FAM178B: variants seen among roughly 807,000 people sequenced by gnomAD.
FAM178B encodes protein FAM178B.
In FAM178B, 82 loss-of-function variants were observed where a neutral mutation model predicts 91.7. The observed-to-expected ratio is 0.89, with a 90% CI of 0.75 to 1.07. The LOEUF (loss-of-function observed/expected upper bound fraction) is 1.07, where lower values mean the gene tolerates loss of function less well. Among genes scored for constraint, FAM178B ranks in the 50% least tolerant of loss-of-function variants. FAM178B has a pLI of 0.00. For missense variants in FAM178B, 769 were observed against 846.7 expected (o/e 0.91, Z 1.14); for synonymous variants, 368 against 359.4 (o/e 1.02, Z -0.27).
intron 12 of FAM178B, among the ~76,000 whole-genome samples, chr2:96,917,374 G>A (rs1169362367): frequency 6.6e-6 from 1 of 152,208 alleles, no homozygotes; most frequent in Non-Finnish European, 1.5e-5. Flanking sequence ...GGCGCAAGAT[G>A]CTCTGTTTCA....
chr2:96,960,856 G>A (rs1305940944), intron 5 of FAM178B, among the ~76,000 whole-genome samples: 3 of 152,220 alleles, frequency 2.0e-5, no homozygotes, highest in Non-Finnish European at 4.4e-5. Context: ...TAAGGGCCCA[G>A]GAGAGGAGCG....
chr2:96,885,114 A>C (rs1349613867), intron 14 of FAM178B, among the ~76,000 whole-genome samples: 1 of 152,230 alleles, frequency 6.6e-6, no homozygotes, highest in Admixed American at 6.5e-5. Flanking sequence ...TGACCCAAAC[A>C]CGGTCCCTAA....
chr2:96,910,188 C>A (rs929667287), intron 12 of FAM178B, among the ~76,000 whole-genome samples: 1 of 152,272 alleles, frequency 6.6e-6, no homozygotes. Flanking sequence ...TGCTCCCAAG[C>A]CGGAATCCCC....
intron 14 of FAM178B, among the ~76,000 whole-genome samples, chr2:96,881,410 C>A (rs1234705400): frequency 1.3e-5 from 2 of 152,022 alleles, no homozygotes; most frequent in Non-Finnish European, 2.9e-5. Context: ...GGGAAGGCAC[C>A]CTGGGCTGTC....
chr2:96,981,902 A>T (rs191063829), intron 1 of FAM178B, among the ~76,000 whole-genome samples: 1 of 152,078 alleles, frequency 6.6e-6, no homozygotes, highest in Admixed American at 6.6e-5. Flanking sequence ...CCCTGTCTCT[A>T]CAAAAAAACG....
chr2:96,945,432 G>T (rs1308464824), intron 8 of FAM178B, among the ~76,000 whole-genome samples: 2 of 152,274 alleles, frequency 1.3e-5, no homozygotes, highest in East Asian at 3.9e-4. Context: ...ATCTCCCTAG[G>T]ATAGTCTGGG....
intron 12 of FAM178B, among the ~76,000 whole-genome samples, chr2:96,907,261 G>T (rs375836909): frequency 6.6e-6 from 1 of 152,248 alleles, no homozygotes; most frequent in Admixed American, 6.5e-5. Flanking sequence ...GGCAGGGGGC[G>T]GGGCGAGACC....
chr2:96,876,415 A>G (rs2080243103), intron 16 of FAM178B, 107 bp from the exon 17 acceptor site: 3 of 1,403,166 alleles, frequency 2.1e-6, no homozygotes, highest in South Asian at 2.5e-5. Context: ...TCGCAGGCTC[A>G]TGCCAGGGGC....
At chr2:96,938,542 A>G (rs2081670369) in intron 8 of FAM178B, among the ~76,000 whole-genome samples, 1 of 152,244 alleles carries the variant, frequency 6.6e-6, no homozygotes, top group Admixed American at 6.5e-5. Context: ...GACTGGCCAC[A>G]GGATCAGAGC....
At chr2:96,884,447 G>A (rs1033347003) in intron 14 of FAM178B, among the ~76,000 whole-genome samples, 1 of 152,178 alleles carries the variant, frequency 6.6e-6, no homozygotes, top group Admixed American at 6.5e-5. Context: ...GAGGAGGAAA[G>A]CCCTTTGCAG....
At chr2:96,972,684 G>C (rs1184178471) in intron 1 of FAM178B, 78 bp from the exon 2 acceptor site, 1 of 1,375,338 alleles carries the variant, frequency 7.3e-7, no homozygotes, top group Non-Finnish European at 1.0e-6. Context: ...TTCCCACAGA[G>C]GAGGGCCTGG....
At chr2:96,923,469 G>A in intron 10 of FAM178B, 21 bp downstream of exon 10, 1 of 1,535,744 alleles carries the variant, frequency 6.5e-7, no homozygotes, top group African/African-American at 1.4e-5. Flanking sequence ...TGCCCTGCAT[G>A]AGGCAGGCGG....
In FAM178B at chr2:96,971,940, C is replaced by A; in HGVS notation, c.525G>T (p.Trp175Cys). The A allele has an allele frequency of 6.5e-7, 1 of 1,539,906 alleles. No homozygotes were observed. Among genetic ancestry groups the A allele is most frequent in the Non-Finnish European group, 8.8e-7 (1 of 1,141,960 alleles). The part of the protein sequence containing the change: ...RGLALPEKLF[W>C]NTSGLSQQAA... ...CCTGCTGGCTCAGGCCTGACGTGTT[C>A]CAGAACAGCTTCTCTGGCAAGGCCA... Residue 175 changes from tryptophan to cysteine, a missense_variant, in exon 3 of 17, where the codon TGG becomes TGT. Physicochemically the swap from Trp to Cys is radical, Grantham distance 215. Transcript: ENST00000490605.
At chr2:96,901,817 T>C (rs1294637197) in intron 13 of FAM178B, among the ~76,000 whole-genome samples, 1 of 152,158 alleles carries the variant, frequency 6.6e-6, no homozygotes, top group East Asian at 1.9e-4. Flanking sequence ...ATGGTTAAGA[T>C]GATTACAAAA....
intron 1 of FAM178B, among the ~76,000 whole-genome samples, chr2:96,976,614 G>A (rs1400576589): frequency 1.3e-5 from 2 of 151,830 alleles, no homozygotes; most frequent in Non-Finnish European, 2.9e-5. Context: ...GGAGGCCAAG[G>A]CGGGCAAATC....
At chr2:96,951,310 G>T in intron 7 of FAM178B, 69 bp downstream of exon 7, 2 of 1,142,046 alleles carry the variant, frequency 1.8e-6, no homozygotes, top group Non-Finnish European at 2.6e-6. Flanking sequence ...CCACCCCTCA[G>T]CCTGTGGGCC....
chr2:96,902,254 C>T (rs897948681), intron 13 of FAM178B, among the ~76,000 whole-genome samples: 7 of 152,074 alleles, frequency 4.6e-5, no homozygotes, highest in East Asian at 1.9e-4. Context: ...TACAGGCACC[C>T]GCCACCACAC....
intron 3 of FAM178B, 132 bp downstream of exon 3, chr2:96,971,769 A>C: frequency 1.2e-6 from 1 of 843,968 alleles, no homozygotes; most frequent in Non-Finnish European, 1.7e-6. Context: ...CTGAGCAGGG[A>C]TGGTCAAGGT....
At chr2:96,888,161 T>C (rs953563091) in intron 14 of FAM178B, among the ~76,000 whole-genome samples, 1 of 152,222 alleles carries the variant, frequency 6.6e-6, no homozygotes, top group African/African-American at 2.4e-5. Flanking sequence ...CCAGAGGCCA[T>C]CTCTTTGAGG....
Sources: allele counts gnomAD v4.1 joint callset (sites outside exome capture counted in the v4.1 genomes callset), GRCh38; gene constraint gnomAD v4.1.1; transcripts MANE v1.5; gene names NCBI Gene and HGNC (gene_info 2026-07-23, HGNC 2026-07-21).